PATJ: variants seen among roughly 807,000 people sequenced by gnomAD.
PATJ encodes inaD-like protein.
Under a neutral mutation model 224.9 loss-of-function variants are expected in PATJ, and 190 were observed. That is an observed-to-expected ratio of 0.84 (90% CI 0.75 to 0.95). PATJ has a LOEUF of 0.95. PATJ is among the 40% of genes least tolerant of loss of function. The pLI is 0.00. For missense variants in PATJ, 2,121 were observed against 2,270.3 expected (o/e 0.93, Z 1.34); for synonymous variants, 769 against 820.3 (o/e 0.94, Z 1.07).
In PATJ at chr1:62,086,246, G is replaced by GTGTGTGTGTGTGTGTGTGTA. The variant is rs1485900733; in HGVS notation, c.4377+1611_4377+1612insGTGTGTATGTGTGTGTGTGT. ...TTAATGCATGTGTGTGTGTGTGTATGTGTGTGTGTGTGTTTAATACCTGCA... is the reference window on the plus strand; with the variant it reads ...TTAATGCATGTGTGTGTGTGTGTATGTGTGTGTGTGTGTGTGTGTATGTGTGTGTGTGTTTAATACCTGCA... On this transcript the variant is annotated intron_variant, in intron 33 of 43. Transcript: ENST00000642238. This position sits in a 1 kb window ranked among gnomAD's most constrained non-coding sequence, Gnocchi z 4.0. 2.2e-3 allele frequency among the ~76,000 whole-genome samples: 335 copies of GTGTGTGTGTGTGTGTGTGTA among 151,600 alleles called. 1 individual carries two copies. The highest frequency in any genetic ancestry group is 5.7e-3 in the African/African-American group (237 of 41,396).
intron 21 of PATJ, among the ~76,000 whole-genome samples, chr1:61,875,707 A>G (rs181213837): frequency 3.9e-5 from 6 of 152,292 alleles, no homozygotes; most frequent in Admixed American, 3.9e-4. Flanking sequence ...GCTCTTAAGT[A>G]ATATTGCTAG....
At chr1:62,145,533 T>C (rs1194631635) in intron 41 of PATJ, among the ~76,000 whole-genome samples, 1 of 152,078 alleles carries the variant, frequency 6.6e-6, no homozygotes, top group African/African-American at 2.4e-5. Flanking sequence ...TGGTGGTGCA[T>C]GCCGGTAGTC....
At chr1:61,923,344 A>G (rs1422768006) in intron 26 of PATJ, among the ~76,000 whole-genome samples, 1 of 152,212 alleles carries the variant, frequency 6.6e-6, no homozygotes, top group Non-Finnish European at 1.5e-5. Flanking sequence ...CATTCAGATC[A>G]TGGTGCCACA....
intron 29 of PATJ, among the ~76,000 whole-genome samples, chr1:62,021,636 G>A (rs59027806): frequency 0.018 from 2,686 of 152,084 alleles, 72 homozygotes; most frequent in African/African-American, 0.06. Context: ...TTCCTCATAC[G>A]TCAGTCCCTC....
rs931345609 is a variant in PATJ at position 61,791,459 on chromosome 1, A to G, written c.1168+12A>G. The G allele has an allele frequency of 7.5e-6, 11 of 1,465,546 alleles. No homozygotes were observed. The highest frequency in any genetic ancestry group is 1.0e-5 in the Non-Finnish European group (11 of 1,050,416). 90.8% of individuals were successfully genotyped at this position (1,465,546 alleles called of 1,614,324 possible). On this transcript the variant is annotated intron_variant, in intron 9 of 43. Coordinates refer to ENST00000642238, the MANE Select transcript of PATJ (RefSeq NM_001350145.3). ...AACATCTCATACAGGTAAATGAATC[A>G]TTTCTATTTTATATTTGGAAATTGT...
In PATJ at chr1:61,775,231, T is replaced by C; in HGVS notation, c.746T>C (p.Val249Ala). Residue 249 changes from valine (V) to alanine (A), a missense_variant, in exon 7 of 44, where the codon GTT becomes GCT. Coordinates refer to ENST00000642238, the MANE Select transcript of PATJ (RefSeq NM_001350145.3). Reference sequence around the variant, plus strand: ...GTTTGTTGGGGCCATGTTGAAGAGGTTGAGCTCATTAATGATGGCTCTGGA... The same window carrying C: ...GTTTGTTGGGGCCATGTTGAAGAGGCTGAGCTCATTAATGATGGCTCTGGA... ...ETVCWGHVEEVELINDGSGLG... is the reference protein window; with the variant it reads ...ETVCWGHVEEAELINDGSGLG... 2 of 1,613,454 alleles carry C rather than the reference T, an allele frequency of 1.2e-6. No individual in the cohort carries two copies. The highest frequency in any genetic ancestry group is 1.3e-5 in the African/African-American group (1 of 75,034).
chr1:61,877,381 T>G (rs1182742129), intron 21 of PATJ, among the ~76,000 whole-genome samples: 1 of 152,006 alleles, frequency 6.6e-6, no homozygotes, highest in Admixed American at 6.6e-5. Context: ...TTAGAAAATT[T>G]CCTCCATTCC....
chr1:61,998,550 C>T (rs1045016319), intron 28 of PATJ, among the ~76,000 whole-genome samples: 1 of 152,108 alleles, frequency 6.6e-6, no homozygotes, highest in African/African-American at 2.4e-5. Context: ...TTTAACGCCA[C>T]TTTGAATTAA....
At chr1:61,899,805 G>A (rs912279370) in intron 23 of PATJ, 151 bp downstream of exon 23, 1 of 516,842 alleles carries the variant, frequency 1.9e-6, no homozygotes, top group Non-Finnish European at 3.4e-6. Flanking sequence ...GTTTCATTTT[G>A]TCTTATCTAG....
chr1:61,756,454 G>A (rs1181074121), intron 1 of PATJ, among the ~76,000 whole-genome samples: 2 of 152,132 alleles, frequency 1.3e-5, no homozygotes, highest in African/African-American at 4.8e-5. Flanking sequence ...CTCTGAGAGC[G>A]GGACTCTGCA....
chr1:61,904,704 A>G (rs1671633662), intron 24 of PATJ, among the ~76,000 whole-genome samples: 2 of 152,204 alleles, frequency 1.3e-5, no homozygotes, highest in Non-Finnish European at 2.9e-5. Flanking sequence ...ACTTATAATC[A>G]TGGTGGAAGG....
chr1:61,989,556 A>C (rs1644948458), intron 27 of PATJ, among the ~76,000 whole-genome samples: 1 of 152,184 alleles, frequency 6.6e-6, no homozygotes, highest in Non-Finnish European at 1.5e-5. Flanking sequence ...CTAAGAGTAG[A>C]AACCATGATT....
chr1:62,142,125 A>T (rs1570784368), intron 41 of PATJ, among the ~76,000 whole-genome samples: 1 of 141,180 alleles, frequency 7.1e-6, no homozygotes, highest in African/African-American at 2.8e-5. Flanking sequence ...ACGATACCTT[A>T]AAAAAAAACA....
chr1:62,129,667 G>A (rs958973100), intron 41 of PATJ, among the ~76,000 whole-genome samples: 3 of 152,206 alleles, frequency 2.0e-5, no homozygotes, highest in South Asian at 2.1e-4. Context: ...GTGGCTAGGC[G>A]CGGTGGCCCA....
In PATJ at chr1:61,766,692, T is replaced by G. The variant is rs112011384; in HGVS notation, c.384+219T>G. Among the ~76,000 whole-genome samples, 364 of 152,298 alleles carry G rather than the reference T, an allele frequency of 2.4e-3. 3 individuals are homozygous for G. Among genetic ancestry groups the G allele is most frequent in the African/African-American group, 8.3e-3 (347 of 41,568 alleles). ...ATAAGGAAAGTATCCATGTATGTGG[T>G]AAGGAGAGCTTTTTAAAAAAAAATT... On this transcript the variant is annotated intron_variant, in intron 4 of 43. Coordinates refer to ENST00000642238, the MANE Select transcript of PATJ (RefSeq NM_001350145.3).
At chr1:61,869,357 C>A (rs992250306) in intron 20 of PATJ, among the ~76,000 whole-genome samples, 1 of 152,052 alleles carries the variant, frequency 6.6e-6, no homozygotes, top group East Asian at 1.9e-4. Context: ...CCGCCCGCCT[C>A]GGCCTCCCAA....
rs1358664160 is a variant in PATJ at position 61,773,976 on chromosome 1, C to T, written c.721-1230C>T. Among the ~76,000 whole-genome samples, 76 of 151,482 alleles carry T rather than the reference C, an allele frequency of 5.0e-4. 1 individual carries two copies. The highest frequency in any genetic ancestry group is 3.4e-3 in the Middle Eastern group (1 of 294). On this transcript the variant is annotated intron_variant, in intron 6 of 43. Transcript: ENST00000642238. ...TCTACTAAAAATACAAAAAATTAGCCGGGCGTGGTGGCAGGTACCTGTAGT... is the reference window on the plus strand; with the variant it reads ...TCTACTAAAAATACAAAAAATTAGCTGGGCGTGGTGGCAGGTACCTGTAGT...
At chr1:61,940,772 T>A (rs945886170) in intron 27 of PATJ, among the ~76,000 whole-genome samples, 9 of 149,012 alleles carry the variant, frequency 6.0e-5, no homozygotes, top group Non-Finnish European at 8.9e-5. Flanking sequence ...AGCATAAGAG[T>A]ATGTTAACCT....
At chr1:61,917,138 C>G (rs1274051153) in intron 26 of PATJ, among the ~76,000 whole-genome samples, 1 of 152,092 alleles carries the variant, frequency 6.6e-6, no homozygotes, top group Non-Finnish European at 1.5e-5. Flanking sequence ...GGTCTGGTCC[C>G]TAGGCAAGTA....
Sources: gnomAD v4.1 joint callset for allele counts (sites outside exome capture counted in the v4.1 genomes callset) on GRCh38, gnomAD v4.1.1 for gene constraint, Gnocchi (gnomAD v3.1) non-coding constraint, MANE v1.5 for transcripts, NCBI Gene and HGNC (gene_info 2026-07-23, HGNC 2026-07-21) for gene names.